The following RTN1 variants were observed in gnomAD, a reference collection of about 807,000 sequenced individuals.
RTN1 encodes reticulon 1, also known as reticulon-1.
RTN1 carries 25 observed loss-of-function variants against 65.5 expected under a neutral mutation model. The observed-to-expected ratio is 0.38, with a 90% CI of 0.28 to 0.53. The LOEUF is 0.53. Among genes scored for constraint, RTN1 ranks in the 20% least tolerant of loss-of-function variants. RTN1 has a pLI of 0.79. For synonymous variants in RTN1, 471 were observed against 447.6 expected, an observed-to-expected ratio of 1.05 and a Z score of -0.66; for missense variants, 983 against 1,025.4, an observed-to-expected ratio of 0.96 and a Z score of 0.57.
At chr14:59,626,036 A>C (rs1486759511) in intron 3 of RTN1, among the ~76,000 whole-genome samples, 1 of 152,194 alleles carries the variant, frequency 6.6e-6, no homozygotes, top group African/African-American at 2.4e-5. Flanking sequence ...TATTTGTATA[A>C]TACTTTAATA....
intron 1 of RTN1, among the ~76,000 whole-genome samples, chr14:59,757,910 T>G (rs1885671783): frequency 6.6e-6 from 1 of 152,168 alleles, no homozygotes; most frequent in Admixed American, 6.6e-5. Flanking sequence ...AGTCTGTAGT[T>G]TACATTAAAG....
intron 3 of RTN1, among the ~76,000 whole-genome samples, chr14:59,616,368 T>G (rs1186719270): frequency 6.6e-6 from 1 of 152,136 alleles, no homozygotes; most frequent in Non-Finnish European, 1.5e-5. Flanking sequence ...CAGACAATTG[T>G]CTCATTTTGG....
intron 2 of RTN1, among the ~76,000 whole-genome samples, chr14:59,735,117 A>G (rs991527794): frequency 6.6e-6 from 1 of 152,190 alleles, no homozygotes; most frequent in Non-Finnish European, 1.5e-5. Flanking sequence ...CCAACCCAGA[A>G]TTTCATATCC....
chr14:59,711,916 A>T (rs1204534619), intron 3 of RTN1, among the ~76,000 whole-genome samples: 1 of 152,160 alleles, frequency 6.6e-6, no homozygotes, highest in Non-Finnish European at 1.5e-5. Context: ...GGCAAAAGTG[A>T]CATGTATCAT....
chr14:59,837,748 AT>A (rs35458802), intron 1 of RTN1, among the ~76,000 whole-genome samples: 26,804 of 151,748 alleles, frequency 0.18, 2,886 homozygotes, highest in East Asian at 0.29. Flanking sequence ...AATAATATCC[AT>A]TTTTTTTAGG....
intron 1 of RTN1, among the ~76,000 whole-genome samples, chr14:59,793,653 C>CAA (rs1886390558): frequency 6.6e-6 from 1 of 151,934 alleles, no homozygotes; most frequent in Admixed American, 6.6e-5. Context: ...CACACACACA[C>CAA]ACACACACAC....
At chr14:59,852,667 A>G (rs1022651421) in intron 1 of RTN1, among the ~76,000 whole-genome samples, 1 of 152,210 alleles carries the variant, frequency 6.6e-6, no homozygotes, top group African/African-American at 2.4e-5. Flanking sequence ...CTACTGGTAG[A>G]GCCATGACTG....
At chr14:59,807,075 A>C (rs897924599) in intron 1 of RTN1, among the ~76,000 whole-genome samples, 1 of 152,264 alleles carries the variant, frequency 6.6e-6, no homozygotes, top group African/African-American at 2.4e-5. Context: ...AAAAGTGTTA[A>C]AGTTGGAGAG....
At chr14:59,773,417 CT>C (rs1245533680) in intron 1 of RTN1, among the ~76,000 whole-genome samples, 1 of 152,120 alleles carries the variant, frequency 6.6e-6, no homozygotes, top group Non-Finnish European at 1.5e-5. Context: ...TATTATATGT[CT>C]ATTACATATC....
intron 3 of RTN1, among the ~76,000 whole-genome samples, chr14:59,635,211 A>G (rs573201196): frequency 1.6e-4 from 25 of 152,348 alleles, no homozygotes; most frequent in South Asian, 1.0e-3. Flanking sequence ...GACCAACAGC[A>G]GTCTTTAATA....
Position 59,603,148 on chromosome 14 carries a change from G to A in RTN1, c.2230-25C>T, listed in dbSNP as rs778907594. 30 of 1,610,448 alleles carry A rather than the reference G, an allele frequency of 1.9e-5. No homozygotes were observed. The Middle Eastern group carries it at 4.9e-4, about 27-fold the overall frequency. On this transcript the variant is annotated intron_variant, in intron 7 of 8. Transcript: ENST00000267484. ...CCTACATAAAGAAAAAAAAAATAAT[G>A]AGCATATCCAAAGATGATGAGGTCA...
chr14:59,858,253 G>A (rs1887644568), intron 1 of RTN1, among the ~76,000 whole-genome samples: 1 of 152,124 alleles, frequency 6.6e-6, no homozygotes, highest in Non-Finnish European at 1.5e-5. Context: ...GCTTTAACAT[G>A]CACCTGGTAG....
At chr14:59,842,091 A>C (rs1309887276) in intron 1 of RTN1, among the ~76,000 whole-genome samples, 1 of 151,900 alleles carries the variant, frequency 6.6e-6, no homozygotes, top group Non-Finnish European at 1.5e-5. Flanking sequence ...AGGCCACTGC[A>C]CTCCAGCCTG....
At chr14:59,682,738 A>T (rs569874373) in intron 3 of RTN1, among the ~76,000 whole-genome samples, 1 of 152,270 alleles carries the variant, frequency 6.6e-6, no homozygotes, top group East Asian at 1.9e-4. Context: ...AAGCATTGCT[A>T]AAAAAGGCTT....
At chr14:59,702,568 C>G (rs911403701) in intron 3 of RTN1, among the ~76,000 whole-genome samples, 7 of 152,110 alleles carry the variant, frequency 4.6e-5, no homozygotes, top group Non-Finnish European at 1.0e-4. Flanking sequence ...CTTCTCCTGC[C>G]CCACAGCCAG....
intron 3 of RTN1, among the ~76,000 whole-genome samples, chr14:59,710,005 C>G (rs2139456453): frequency 1.3e-5 from 2 of 148,856 alleles, no homozygotes; most frequent in South Asian, 4.3e-4. Flanking sequence ...TCCTTCGTTC[C>G]TTTTTCTTTC....
chr14:59,770,531 T>G (rs1294365828), intron 1 of RTN1, among the ~76,000 whole-genome samples: 1 of 152,146 alleles, frequency 6.6e-6, no homozygotes, highest in Admixed American at 6.5e-5. Flanking sequence ...CTCATTTCTG[T>G]GGTCCTTTCC....
Position 59,803,524 on chromosome 14 carries a change from G to A in RTN1, c.242-57043C>T, listed in dbSNP as rs1886583759. 6.6e-6 allele frequency among the ~76,000 whole-genome samples: 1 copy of A among 152,116 alleles called. No individual in the cohort carries two copies. Among genetic ancestry groups the A allele is most frequent in the Non-Finnish European group, 1.5e-5 (1 of 68,022 alleles). ...AGTTAAATACAACCTTCTTTGCAGG[G>A]TCTTGTCTCCCATATAATTCAGAGG... On this transcript the variant is annotated intron_variant, in intron 1 of 8. Transcript: ENST00000267484. The surrounding 1 kb of genome is among the most constrained non-coding windows in gnomAD (Gnocchi z 5.6).
chr14:59,868,890 C>T lies in RTN1; in HGVS notation c.241+1500G>A, dbSNP rs1041991954. ...CCTTCCTTTGTCTATTATCATTTGC[C>T]ATCTTCTTTTGCAATTATAAAGAGT... On this transcript the variant is annotated intron_variant, in intron 1 of 8. Transcript: ENST00000267484. The surrounding 1 kb of genome is among the most constrained non-coding windows in gnomAD (Gnocchi z 4.0). 1.3e-5 allele frequency among the ~76,000 whole-genome samples: 2 copies of T among 152,108 alleles called. No individual in the cohort carries two copies. Among genetic ancestry groups the T allele is most frequent in the Admixed American group, 6.5e-5 (1 of 15,274 alleles).
Sources: allele counts gnomAD v4.1 joint callset (sites outside exome capture counted in the v4.1 genomes callset), GRCh38; gene constraint gnomAD v4.1.1; non-coding constraint Gnocchi (gnomAD v3.1); transcripts MANE v1.5; gene names NCBI Gene and HGNC (gene_info 2026-07-23, HGNC 2026-07-21).